ERC1: variants seen among roughly 807,000 people sequenced by gnomAD.
ERC1 encodes the protein RAB6 interacting protein 2.
Under a neutral mutation model 132.0 loss-of-function variants are expected in ERC1, and 56 were observed. The observed-to-expected ratio is 0.42, with a 90% CI of 0.34 to 0.53. ERC1 has a LOEUF of 0.53. Ranked by LOEUF, ERC1 falls within the 20% of genes least tolerant of loss-of-function variation. ERC1 has a pLI of 0.03. For missense variants in ERC1, 1,202 were observed against 1,349.9 expected (o/e 0.89, Z 1.72); for synonymous variants, 478 against 476.1 (o/e 1.00, Z -0.05).
At chr12:1,440,055 G>A (rs903652948) in intron 17 of ERC1, among the ~76,000 whole-genome samples, 1 of 151,922 alleles carries the variant, frequency 6.6e-6, no homozygotes, top group Non-Finnish European at 1.5e-5. Flanking sequence ...GAGTATTTGT[G>A]GTATTTTGAT....
At chr12:1,227,103 A>G (rs2074639643) in intron 12 of ERC1, among the ~76,000 whole-genome samples, 1 of 152,234 alleles carries the variant, frequency 6.6e-6, no homozygotes, top group Admixed American at 6.5e-5. Flanking sequence ...CTGCAGTGAT[A>G]TGGGAGTGCA....
chr12:1,020,254 T>A (rs961587883), intron 1 of ERC1, among the ~76,000 whole-genome samples: 1 of 152,238 alleles, frequency 6.6e-6, no homozygotes, highest in Non-Finnish European at 1.5e-5. Context: ...ATCAGGAGTT[T>A]GAGACCAGCC....
chr12:1,029,095 C>T (rs1967477291), intron 2 of ERC1, among the ~76,000 whole-genome samples: 1 of 152,114 alleles, frequency 6.6e-6, no homozygotes, highest in South Asian at 2.1e-4. Context: ...TGGCTCACAC[C>T]TGTAATCCCA....
chr12:1,486,574 G>A (rs2094220025), intron 18 of ERC1, among the ~76,000 whole-genome samples: 1 of 152,082 alleles, frequency 6.6e-6, no homozygotes, highest in Non-Finnish European at 1.5e-5. Flanking sequence ...ACAGGCACGT[G>A]CCAGCATGCC....
At chr12:1,077,708 C>T (rs961578007) in intron 2 of ERC1, among the ~76,000 whole-genome samples, 39 of 152,132 alleles carry the variant, frequency 2.6e-4, no homozygotes, top group Admixed American at 1.0e-3. Flanking sequence ...TCTTACAACT[C>T]GATCTTTCCT....
intron 18 of ERC1, among the ~76,000 whole-genome samples, chr12:1,469,089 A>G (rs771983122): frequency 7.9e-5 from 12 of 152,260 alleles, no homozygotes; most frequent in Non-Finnish European, 1.2e-4. Context: ...GGTGTTGTGC[A>G]CTAACCAAGC....
chr12:1,495,858 A>G lies in ERC1; in HGVS notation c.*5628A>G. The G allele has an allele frequency of 5.0e-6, 1 of 198,278 alleles. No individual in the cohort carries two copies. The allele number at this position is 198,278 out of a possible 1,614,324, so 12.3% of individuals were successfully genotyped here. On this transcript the variant is annotated 3_prime_UTR_variant, in exon 19 of 19. Coordinates refer to ENST00000360905, the MANE Select transcript of ERC1 (RefSeq NM_178040.4). ...TCAACTTTGCCTTGATAATTATTGT[A>G]AACACTTTGTTCATTTTTTCTTTTT...
chr12:1,099,392 C>G (rs1426844396), intron 3 of ERC1, among the ~76,000 whole-genome samples: 1 of 152,144 alleles, frequency 6.6e-6, no homozygotes, highest in African/African-American at 2.4e-5. Context: ...GAAAACATAC[C>G]TGTGAGATCA....
At chr12:1,014,984 G>A (rs907229245) in intron 1 of ERC1, among the ~76,000 whole-genome samples, 5 of 151,706 alleles carry the variant, frequency 3.3e-5, no homozygotes, top group African/African-American at 9.7e-5. Flanking sequence ...GGCTGGTCCC[G>A]AACTCCTGAT....
intron 3 of ERC1, among the ~76,000 whole-genome samples, chr12:1,097,000 C>G (rs1944118278): frequency 6.6e-6 from 1 of 152,180 alleles, no homozygotes; most frequent in Admixed American, 6.5e-5. Context: ...AATATCATTC[C>G]TAGGTATCAT....
intron 16 of ERC1, among the ~76,000 whole-genome samples, chr12:1,383,504 T>G (rs967045798): frequency 2.6e-5 from 4 of 152,148 alleles, no homozygotes; most frequent in African/African-American, 9.7e-5. Context: ...TGTGGTGGCA[T>G]GCGCCTGTAA....
intron 16 of ERC1, among the ~76,000 whole-genome samples, chr12:1,405,708 A>C (rs1004973744): frequency 5.3e-5 from 8 of 151,988 alleles, no homozygotes; most frequent in Admixed American, 1.3e-4. Flanking sequence ...ATCTCAAAAA[A>C]ATTAAATAAA....
intron 1 of ERC1, among the ~76,000 whole-genome samples, chr12:1,006,560 T>A (rs1272112111): frequency 6.6e-6 from 1 of 152,032 alleles, no homozygotes; most frequent in Non-Finnish European, 1.5e-5. Context: ...TTTTTGTAAT[T>A]TTTTTTGTTT....
chr12:1,017,562 A>G, intron 1 of ERC1, among the ~76,000 whole-genome samples: 1 of 146,066 alleles, frequency 6.8e-6, no homozygotes, highest in Non-Finnish European at 1.5e-5. Flanking sequence ...ACAGTGGCAC[A>G]GTATCTGCTC....
chr12:1,474,079 G>A (rs2093922600), intron 18 of ERC1, among the ~76,000 whole-genome samples: 1 of 152,170 alleles, frequency 6.6e-6, no homozygotes, highest in African/African-American at 2.4e-5. Flanking sequence ...CTCCTAAGAA[G>A]CCTGCAGATT....
At chr12:1,456,065 T>C (rs924734489) in intron 18 of ERC1, among the ~76,000 whole-genome samples, 4 of 152,218 alleles carry the variant, frequency 2.6e-5, no homozygotes, top group African/African-American at 9.7e-5. Flanking sequence ...GGCTCTCTTA[T>C]TCATTCACCA....
intron 15 of ERC1, among the ~76,000 whole-genome samples, chr12:1,336,404 G>A (rs181463779): frequency 6.6e-6 from 1 of 152,158 alleles, no homozygotes; most frequent in East Asian, 1.9e-4. Flanking sequence ...GAACGTCCCT[G>A]TTAACATTGT....
intron 16 of ERC1, among the ~76,000 whole-genome samples, chr12:1,393,309 C>A (rs1427495743): frequency 6.6e-6 from 1 of 152,158 alleles, no homozygotes; most frequent in East Asian, 1.9e-4. Context: ...GCAAGAGGAT[C>A]ACTTGAGCCC....
intron 14 of ERC1, among the ~76,000 whole-genome samples, chr12:1,277,209 T>C (rs757172803): frequency 1.2e-4 from 19 of 152,246 alleles, no homozygotes; most frequent in Non-Finnish European, 2.1e-4. Context: ...TAGCTGAAAG[T>C]CTTATGTAGC....
Sources: gnomAD v4.1 joint callset for allele counts (sites outside exome capture counted in the v4.1 genomes callset) on GRCh38, gnomAD v4.1.1 for gene constraint, MANE v1.5 for transcripts, NCBI Gene and HGNC (gene_info 2026-07-23, HGNC 2026-07-21) for gene names.